The following DYRK1A variants were observed in gnomAD, a reference collection of about 807,000 sequenced individuals.
The protein encoded by DYRK1A is dual specificity tyrosine-phosphorylation-regulated kinase 1A.
In DYRK1A, 9 loss-of-function variants were observed where a neutral mutation model predicts 79.7. The observed-to-expected ratio is 0.11, with a 90% CI of 0.07 to 0.20. The LOEUF (loss-of-function observed/expected upper bound fraction) is 0.20. Among genes scored for constraint, DYRK1A ranks in the 10% least tolerant of loss-of-function variants. DYRK1A has a pLI of 1.00. For missense variants in DYRK1A, 622 were observed against 956.0 expected, an observed-to-expected ratio of 0.65 and a Z score of 4.61; for synonymous variants, 349 against 329.7, an observed-to-expected ratio of 1.06 and a Z score of -0.63.
chr21:37,508,826 G>A (rs2053671142), intron 11 of DYRK1A, among the ~76,000 whole-genome samples: 1 of 151,962 alleles, frequency 6.6e-6, no homozygotes, highest in Non-Finnish European at 1.5e-5. Context: ...TCCTCCTTTT[G>A]TTTTGGTAAC....
intron 1 of DYRK1A, among the ~76,000 whole-genome samples, chr21:37,385,290 A>G (rs142269951): frequency 1.3e-5 from 2 of 152,198 alleles, no homozygotes; most frequent in East Asian, 3.9e-4. Context: ...AGCTGAGTCC[A>G]CTGCTTTAGG....
At chr21:37,467,364 G>A (rs879595065) in intron 2 of DYRK1A, among the ~76,000 whole-genome samples, 1 of 152,074 alleles carries the variant, frequency 6.6e-6, no homozygotes, top group South Asian at 2.1e-4. Flanking sequence ...TGAGTAACTG[G>A]GACCATAGGC....
chr21:37,383,358 C>T (rs2049696796), intron 1 of DYRK1A, among the ~76,000 whole-genome samples: 1 of 152,224 alleles, frequency 6.6e-6, no homozygotes, highest in South Asian at 2.1e-4. Context: ...ATGTTCTTAA[C>T]TATGTAGCTT....
intron 1 of DYRK1A, among the ~76,000 whole-genome samples, chr21:37,383,290 T>A (rs2049695355): frequency 6.6e-6 from 1 of 152,250 alleles, no homozygotes; most frequent in Admixed American, 6.5e-5. Flanking sequence ...CAGTATAAGT[T>A]GCAGTGACTG....
intron 1 of DYRK1A, among the ~76,000 whole-genome samples, chr21:37,371,232 G>T (rs2049422591): frequency 6.6e-6 from 1 of 152,192 alleles, no homozygotes; most frequent in African/African-American, 2.4e-5. Context: ...GTGAAATGTA[G>T]ACTTCATGTG....
intron 1 of DYRK1A, among the ~76,000 whole-genome samples, chr21:37,393,898 C>T (rs1180257346): frequency 1.3e-5 from 2 of 152,184 alleles, no homozygotes; most frequent in Non-Finnish European, 2.9e-5. Flanking sequence ...ACTGGTTTCC[C>T]CACAAGTGCG....
In DYRK1A at chr21:37,525,549, TCAGTGTGGAATAGAAAA is replaced by T. The variant is rs2053962311; in HGVS notation, c.*13019_*13035del. On this transcript the variant is annotated 3_prime_UTR_variant, in exon 12 of 12. Transcript: ENST00000647188. ...TGGGTGGGGACACAGCTAACTCATATCAGTGTGGAATAGAAAATGGCTCAGTTGGACAACTTACAAAG... is the reference window on the plus strand; with the variant it reads ...TGGGTGGGGACACAGCTAACTCATATTGGCTCAGTTGGACAACTTACAAAG... The T allele has an allele frequency of 6.6e-6, 1 of 152,216 alleles. No homozygotes were observed. The highest frequency in any genetic ancestry group is 1.5e-5 in the Non-Finnish European group (1 of 68,034). The allele number at this position is 152,216 out of a possible 1,614,324, so 9.4% of individuals were successfully genotyped here.
chr21:37,446,892 CT>C (rs1215807352), intron 2 of DYRK1A, among the ~76,000 whole-genome samples: 1 of 152,176 alleles, frequency 6.6e-6, no homozygotes, highest in African/African-American at 2.4e-5. Context: ...AGTTCTGCTC[CT>C]TTTGTGCTCC....
chr21:37,455,090 C>G (rs1444137002), intron 2 of DYRK1A, among the ~76,000 whole-genome samples: 1 of 146,414 alleles, frequency 6.8e-6, no homozygotes, highest in Non-Finnish European at 1.5e-5. Context: ...AAAAAACAGG[C>G]TCCCAGGACA....
At chr21:37,395,847 C>G (rs180899230) in intron 1 of DYRK1A, among the ~76,000 whole-genome samples, 2 of 151,970 alleles carry the variant, frequency 1.3e-5, no homozygotes, top group African/African-American at 4.8e-5. Flanking sequence ...TGAATAAAGC[C>G]CTGTTAGGAT....
In DYRK1A at chr21:37,485,638, T is replaced by A. The variant is rs73400146; in HGVS notation, c.490-829T>A. 4.6e-3 allele frequency among the ~76,000 whole-genome samples: 703 copies of A among 152,364 alleles called. 4 individuals carry two copies. The highest frequency in any genetic ancestry group is 0.016 in the African/African-American group (658 of 41,594). On this transcript the variant is annotated intron_variant, in intron 5 of 11. Transcript: ENST00000647188. ...TTACTTATTCAGACAATGTATAATA[T>A]TATAAATGTAACTTCTATTTTATTA...
intron 6 of DYRK1A, among the ~76,000 whole-genome samples, chr21:37,489,324 A>G (rs2052992255): frequency 6.6e-6 from 1 of 152,154 alleles, no homozygotes; most frequent in Non-Finnish European, 1.5e-5. Context: ...GAGGGACAGC[A>G]CTTTATCGAA....
At chr21:37,511,050 C>G (rs1042046690) in intron 11 of DYRK1A, among the ~76,000 whole-genome samples, 4 of 152,110 alleles carry the variant, frequency 2.6e-5, no homozygotes, top group African/African-American at 9.7e-5. Flanking sequence ...AATAACATTT[C>G]TAGGCAGAAG....
chr21:37,440,858 A>C (rs2148476828), intron 2 of DYRK1A, among the ~76,000 whole-genome samples: 1 of 152,302 alleles, frequency 6.6e-6, no homozygotes, highest in South Asian at 2.1e-4. Context: ...GTCCCTAGAA[A>C]AGAATGTATA....
At chr21:37,472,649 A>C in intron 2 of DYRK1A, 35 bp from the exon 3 acceptor site, 2 of 1,495,822 alleles carry the variant, frequency 1.3e-6, no homozygotes, top group Non-Finnish European at 1.8e-6. Flanking sequence ...TTAGGATATG[A>C]ATATTTCCTT....
At chr21:37,493,212 T>C in intron 8 of DYRK1A, 49 bp downstream of exon 8, 1 of 1,551,042 alleles carries the variant, frequency 6.4e-7, no homozygotes, top group African/African-American at 1.4e-5. Context: ...TTTCTTTTTG[T>C]CTTTCATCTG....
At chr21:37,373,640 A>G (rs2148357077) in intron 1 of DYRK1A, among the ~76,000 whole-genome samples, 1 of 152,352 alleles carries the variant, frequency 6.6e-6, no homozygotes, top group East Asian at 1.9e-4. Context: ...CTACATCCAC[A>G]GTCCAGGAAT....
intron 2 of DYRK1A, among the ~76,000 whole-genome samples, chr21:37,467,106 GAAAA>G (rs5843833): frequency 3.1e-5 from 4 of 130,756 alleles, no homozygotes; most frequent in African/African-American, 5.7e-5. Context: ...ATTTACAAAA[GAAAA>G]AAAAAAAAAA....
intron 1 of DYRK1A, among the ~76,000 whole-genome samples, chr21:37,407,956 T>A (rs2148410125): frequency 6.6e-6 from 1 of 152,262 alleles, no homozygotes. Context: ...CCCGGCTCCC[T>A]GAAGTTTCAC....
Sources: allele counts gnomAD v4.1 joint callset (sites outside exome capture counted in the v4.1 genomes callset), GRCh38; gene constraint gnomAD v4.1.1; transcripts MANE v1.5; gene names NCBI Gene and HGNC (gene_info 2026-07-23, HGNC 2026-07-21).